The following ILDR2 variants were observed in gnomAD, a reference collection of about 807,000 sequenced individuals.
The protein encoded by ILDR2 is immunoglobulin-like domain-containing receptor 2.
ILDR2 carries 25 observed loss-of-function variants against 66.8 expected under a neutral mutation model. That is an observed-to-expected ratio of 0.37 (90% CI 0.27 to 0.52). The LOEUF is 0.52. ILDR2 is among the 20% of genes least tolerant of loss of function. The pLI, the probability that ILDR2 is intolerant of heterozygous loss-of-function variation, is 0.88. For missense variants in ILDR2, 827 were observed against 876.8 expected (o/e 0.94, Z 0.72); for synonymous variants, 367 against 357.2 (o/e 1.03, Z -0.31).
At chr1:166,938,601 A>T (rs1359010063) in intron 4 of ILDR2, among the ~76,000 whole-genome samples, 1 of 152,262 alleles carries the variant, frequency 6.6e-6, no homozygotes, top group Admixed American at 6.5e-5. Flanking sequence ...GAAAGGGACT[A>T]GAATTCATAG....
chr1:166,956,084 G>C (rs1384822846), intron 3 of ILDR2, among the ~76,000 whole-genome samples: 2 of 152,178 alleles, frequency 1.3e-5, no homozygotes. Flanking sequence ...AAAAAGGAAA[G>C]TAGCCAAAAA....
At chr1:166,895,730 T>A (rs958278221) in exon 3 of ILDR2, 2 of 152,212 alleles carry the variant, frequency 1.3e-5, no homozygotes, top group African/African-American at 2.4e-5. Flanking sequence ...TTATTTAATA[T>A]ATTTATGAAC....
intron 1 of ILDR2, among the ~76,000 whole-genome samples, chr1:166,959,063 G>A (rs1662454999): frequency 1.3e-5 from 2 of 152,200 alleles, no homozygotes; most frequent in African/African-American, 4.8e-5. Flanking sequence ...AGCTTCCCCA[G>A]TGGGATATCC....
intron 8 of ILDR2, 54 bp downstream of exon 8, chr1:166,922,539 C>A: frequency 6.9e-7 from 1 of 1,458,182 alleles, no homozygotes; most frequent in South Asian, 1.1e-5. Flanking sequence ...ATCTACCCTG[C>A]CTTCCAGCTC....
At chr1:166,957,638 T>G in intron 2 of ILDR2, 131 bp downstream of exon 2, 1 of 756,006 alleles carries the variant, frequency 1.3e-6, no homozygotes, top group South Asian at 2.0e-5. Flanking sequence ...TGCTCCCATT[T>G]CCAATAAAAT....
chr1:166,906,672 G>A (rs1659355554), downstream of ILDR2, among the ~76,000 whole-genome samples: 1 of 152,182 alleles, frequency 6.6e-6, no homozygotes, highest in Non-Finnish European at 1.5e-5. Flanking sequence ...AGAGCCAGAA[G>A]GGTTTTAAGC....
In ILDR2 at chr1:166,920,703, TCA is replaced by T; in HGVS notation, c.1884+2_1884+3del. 1.4e-6 allele frequency: 2 copies of T among 1,398,722 alleles called. No homozygotes were observed. Among genetic ancestry groups the T allele is most frequent in the Non-Finnish European group, 1.9e-6 (2 of 1,071,708 alleles). 86.6% of individuals were successfully genotyped at this position (1,398,722 alleles called of 1,614,324 possible). On this transcript the variant is annotated splice_donor_variant and splice_donor_region_variant and intron_variant, in intron 9 of 9. Transcript: ENST00000271417. LOFTEE classifies it high-confidence loss of function. ...CGGAGGAGGGGAGGCAGACGCAGTCTCACGGTTTTCTTGGCGGGCTCCTTTTT... is the reference window on the plus strand; with the variant it reads ...CGGAGGAGGGGAGGCAGACGCAGTCTCGGTTTTCTTGGCGGGCTCCTTTTT...
At chr1:166,956,650 A>G (rs1239399853) in intron 3 of ILDR2, 83 bp downstream of exon 3, 1 of 1,491,550 alleles carries the variant, frequency 6.7e-7, no homozygotes, top group Non-Finnish European at 9.1e-7. Flanking sequence ...TAATGCACAC[A>G]GGGGAGAAGT....
At position 166,956,923 on chromosome 1, in the gene ILDR2, G is replaced by A; in HGVS notation, c.380-71C>T. ...GAAAGAAAAACACTAAACAATGGGG[G>A]TTGGGAAGGGAGAAACCTTCTGGGG... On this transcript the variant is annotated intron_variant, in intron 2 of 9. Transcript: ENST00000271417. 4 of 1,532,708 alleles carry A rather than the reference G, an allele frequency of 2.6e-6. No homozygotes were observed. In the South Asian group the frequency reaches 4.9e-5, roughly 19 times the overall value. The allele number at this position is 1,532,708 out of a possible 1,614,324, so 94.9% of individuals were successfully genotyped here. A position where few individuals can be genotyped will look rare whatever the true frequency, so the allele number is the denominator to read the frequency against.
Position 166,935,759 on chromosome 1 carries a change from CCA to C in ILDR2, c.704-284_704-283del, listed in dbSNP as rs548770351. On this transcript the variant is annotated intron_variant, in intron 5 of 9. Transcript: ENST00000271417. ...TCTGGGAGCTGTCACAGCAGCATCC[CCA>C]GTGACAGCAGCAGCCCACTCTTACC... 1.3e-3 allele frequency among the ~76,000 whole-genome samples: 195 copies of C among 152,246 alleles called. 1 individual carries two copies. The highest frequency in any genetic ancestry group is 0.013 in the South Asian group (61 of 4,818).
In ILDR2 at chr1:166,975,345, G is replaced by C. The variant is rs1663531729; in HGVS notation, c.-77C>G. On this transcript the variant is annotated 5_prime_UTR_variant, in exon 1 of 10. Transcript: ENST00000271417. ...GGAACAGAAGGATCGCTGTCACCCCGCGGCAGCGGGCGGCGGCGGAGCGGC... is the reference window on the plus strand; with the variant it reads ...GGAACAGAAGGATCGCTGTCACCCCCCGGCAGCGGGCGGCGGCGGAGCGGC... 2 of 1,317,374 alleles carry C rather than the reference G, an allele frequency of 1.5e-6. No individual in the cohort carries two copies. Among genetic ancestry groups the C allele is most frequent in the Admixed American group, 2.0e-5 (1 of 50,980 alleles). The allele number at this position is 1,317,374 out of a possible 1,614,324, so 81.6% of individuals were successfully genotyped here.
chr1:166,901,263 C>T lies in ILDR2; in HGVS notation n.172-5162G>A, dbSNP rs528652043. The stretch of plus-strand genomic sequence containing the variant: ...ACAACGATTGAAAATAAACTCTGCT[C>T]CCTTCCTCTTGGGGGAGAACAGATG... On this transcript the variant is annotated intron_variant and non_coding_transcript_variant, in intron 2 of 2. Transcript: ENST00000414590. Among the ~76,000 whole-genome samples, 3 of 152,326 alleles carry T rather than the reference C, an allele frequency of 2.0e-5. No individual in the cohort carries two copies. In the East Asian group the frequency reaches 5.8e-4, roughly 29 times the overall value.
chr1:166,899,105 T>G (rs1194958938), intron 2 of ILDR2, among the ~76,000 whole-genome samples: 1 of 151,372 alleles, frequency 6.6e-6, no homozygotes, highest in Non-Finnish European at 1.5e-5. Context: ...GAAAAAGACA[T>G]GATTGGCCGG....
chr1:166,899,485 G>C (rs1659226986), intron 2 of ILDR2, among the ~76,000 whole-genome samples: 1 of 152,088 alleles, frequency 6.6e-6, no homozygotes, highest in Non-Finnish European at 1.5e-5. Flanking sequence ...ACATACACGT[G>C]CTAACCAAAT....
intron 3 of ILDR2, among the ~76,000 whole-genome samples, chr1:166,940,362 A>G (rs1571151289): frequency 6.6e-6 from 1 of 152,246 alleles, no homozygotes; most frequent in Non-Finnish European, 1.5e-5. Flanking sequence ...CCTGATTTAC[A>G]GAAAGACATG....
At chr1:166,972,992 T>C (rs543968521) in intron 1 of ILDR2, among the ~76,000 whole-genome samples, 4 of 152,270 alleles carry the variant, frequency 2.6e-5, no homozygotes, top group Non-Finnish European at 4.4e-5. Context: ...CCAGCCGCCA[T>C]TGTTTGCTCC....
chr1:166,927,128 G>C lies in ILDR2; in HGVS notation c.933C>G (p.Val311=). The change falls in exon 7 of 10, where the codon GTC becomes GTG. Residue 311 remains valine (V), a synonymous_variant. Transcript: ENST00000271417. ...CCAGCTCCTTCTCAACATAGTACAGGACCTTCATGGAGTCTCTCTCTTTGT... is the reference window on the plus strand; with the variant it reads ...CCAGCTCCTTCTCAACATAGTACAGCACCTTCATGGAGTCTCTCTCTTTGT... ...QADKERDSMK[V]LYYVEKELAQ... 1 of 1,613,822 alleles carries C rather than the reference G, an allele frequency of 6.2e-7. No homozygotes were observed. The highest frequency in any genetic ancestry group is 8.5e-7 in the Non-Finnish European group (1 of 1,179,898).
At chr1:166,905,958 TG>T (rs1199607784), downstream of ILDR2, among the ~76,000 whole-genome samples, 12 of 152,232 alleles carry the variant, frequency 7.9e-5, no homozygotes, top group Non-Finnish European at 8.8e-5. Context: ...ATCAGTTTTT[TG>T]GCAAGTCCCT....
Position 166,920,761 on chromosome 1 carries a change from C to A in ILDR2, c.1830G>T (p.Leu610=). 6.7e-7 allele frequency: 1 copy of A among 1,491,920 alleles called. No homozygotes were observed. The highest frequency in any genetic ancestry group is 1.3e-5 in the South Asian group (1 of 76,410). The allele number at this position is 1,491,920 out of a possible 1,614,324, so 92.4% of individuals were successfully genotyped here. Residue 610 remains leucine, a synonymous_variant, in exon 9 of 10, where the codon CTG becomes CTT. Coordinates refer to ENST00000271417, the MANE Select transcript of ILDR2 (RefSeq NM_199351.3). ...TCTTCTCCGAGTTGCTGTGGTAGGG[C>A]AGGTCGCGGCCGCGGTAGGACGGGC... ...TRGPSYRGRD[L]PYHSNSEKKR...
Sources: allele counts gnomAD v4.1 joint callset (sites outside exome capture counted in the v4.1 genomes callset), GRCh38; gene constraint gnomAD v4.1.1; transcripts MANE v1.5; gene names NCBI Gene and HGNC (gene_info 2026-07-23, HGNC 2026-07-21).